The following USP39 variants were observed in gnomAD, a reference collection of about 807,000 sequenced individuals.
The protein encoded by USP39 is ubiquitin specific peptidase 39, also known as ubiquitin carboxyl-terminal hydrolase 39.
Under a neutral mutation model 66.4 loss-of-function variants are expected in USP39, and 38 were observed. That is an observed-to-expected ratio of 0.57 (90% CI 0.44 to 0.75). USP39 has a LOEUF of 0.75. Ranked by LOEUF, USP39 falls within the 30% of genes least tolerant of loss-of-function variation. USP39 has a pLI of 0.00. For missense variants in USP39, 608 were observed against 714.4 expected (o/e 0.85, Z 1.70); for synonymous variants, 303 against 274.6 (o/e 1.10, Z -1.02).
upstream of USP39, chr2:85,611,226 A>T (rs927520451): frequency 2.6e-4 from 328 of 1,281,304 alleles, 3 homozygotes; most frequent in South Asian, 1.5e-3. Flanking sequence ...AAAACATTTT[A>T]AAAAAAGTAA....
chr2:85,629,959 C>T (rs1675197723), intron 5 of USP39, among the ~76,000 whole-genome samples: 1 of 151,908 alleles, frequency 6.6e-6, no homozygotes. Context: ...AAGACTCGGT[C>T]TCCAAAAATA....
upstream of USP39, chr2:85,611,823 C>A: frequency 1.2e-6 from 2 of 1,606,746 alleles, no homozygotes; most frequent in Non-Finnish European, 1.7e-6. Context: ...GACTGTCGGG[C>A]CGGGCCAGGC....
At chr2:85,633,080 A>T (rs1675487665) in intron 6 of USP39, among the ~76,000 whole-genome samples, 1 of 152,126 alleles carries the variant, frequency 6.6e-6, no homozygotes, top group African/African-American at 2.4e-5. Context: ...AGCTACCATA[A>T]GGAGCTTGGA....
At chr2:85,639,159 C>T (rs773957969) in intron 8 of USP39, 44 bp from the exon 9 acceptor site, 31 of 1,568,050 alleles carry the variant, frequency 2.0e-5, no homozygotes, top group Non-Finnish European at 2.6e-5. Context: ...GGTTCCTATA[C>T]CCGTCACACT....
chr2:85,612,021 G>A (rs537111251), upstream of USP39: 4 of 1,418,764 alleles, frequency 2.8e-6, no homozygotes, highest in South Asian at 2.7e-5. Context: ...CCGCCTCGAC[G>A]GCCCCAACAA....
chr2:85,648,576 T>C (rs984986021), intron 12 of USP39, among the ~76,000 whole-genome samples, 185 bp from the exon 13 acceptor site: 2 of 152,190 alleles, frequency 1.3e-5, no homozygotes. Context: ...GTGATACCTC[T>C]CCTTCTAGAG....
At chr2:85,643,002 C>T (rs1043143864) in intron 10 of USP39, among the ~76,000 whole-genome samples, 4 of 150,516 alleles carry the variant, frequency 2.7e-5, no homozygotes, top group East Asian at 3.9e-4. Context: ...TTTGGGAGGC[C>T]GAGGTGGGAG....
intron 8 of USP39, among the ~76,000 whole-genome samples, chr2:85,638,797 A>G (rs1435003191): frequency 6.7e-6 from 1 of 150,118 alleles, no homozygotes; most frequent in Non-Finnish European, 1.5e-5. Flanking sequence ...TCGGCCTCCC[A>G]AAGTGCTGGG....
At chr2:85,611,449 C>T (rs747237433), upstream of USP39, 12 of 1,539,664 alleles carry the variant, frequency 7.8e-6, 1 homozygote, top group African/African-American at 1.4e-5. Context: ...GCTGGCTCCC[C>T]GATACTCTGA....
upstream of USP39, chr2:85,611,977 G>A (rs758672486): frequency 1.2e-5 from 19 of 1,539,322 alleles, no homozygotes; most frequent in South Asian, 2.1e-4. Context: ...ATGCGGCCCC[G>A]CCTCCATCAG....
intron 1 of USP39, among the ~76,000 whole-genome samples, chr2:85,618,517 G>A (rs1486711920): frequency 6.7e-6 from 1 of 148,992 alleles, no homozygotes; most frequent in Non-Finnish European, 1.5e-5. Flanking sequence ...AGCTGAGATC[G>A]CGCCATTGCA....
upstream of USP39, among the ~76,000 whole-genome samples, chr2:85,613,226 G>A (rs529017926): frequency 4.7e-4 from 71 of 152,084 alleles, no homozygotes; most frequent in African/African-American, 1.7e-3. Context: ...AAGAAAGAAA[G>A]AGCCGGGCGT....
chr2:85,609,359 ACAGGGCT>A, upstream of USP39: 5 of 1,552,820 alleles, frequency 3.2e-6, no homozygotes, highest in Non-Finnish European at 2.6e-6. Context: ...CCTGAGGAAA[ACAGGGCT>A]CAGGGTCTGA....
intron 6 of USP39, among the ~76,000 whole-genome samples, chr2:85,634,321 C>G (rs1014493131): frequency 6.6e-6 from 1 of 151,942 alleles, no homozygotes; most frequent in African/African-American, 2.4e-5. Context: ...TGCCTGTAAT[C>G]CCAGCACTTT....
chr2:85,610,825 C>A, upstream of USP39: 1 of 149,304 alleles, frequency 6.7e-6, no homozygotes. Context: ...GTGGCGCGAT[C>A]TCGGCTCACT....
At chr2:85,633,831 C>G in intron 6 of USP39, among the ~76,000 whole-genome samples, 1 of 78,996 alleles carries the variant, frequency 1.3e-5, no homozygotes, top group East Asian at 3.8e-4. Context: ...CGAGTAGTGG[C>G]TTTTTTTTTT....
chr2:85,627,037 G>A (rs1374945007), intron 5 of USP39, among the ~76,000 whole-genome samples: 3 of 149,792 alleles, frequency 2.0e-5, no homozygotes, highest in African/African-American at 4.9e-5. Context: ...ATGAGCCACC[G>A]TGCCCATCCC....
chr2:85,638,088 C>T (rs1009263495), intron 8 of USP39, among the ~76,000 whole-genome samples: 5 of 152,050 alleles, frequency 3.3e-5, no homozygotes, highest in Admixed American at 6.6e-5. Flanking sequence ...ATGGCATGAT[C>T]TCAGCTCACT....
rs1170948224 is a variant in USP39, at chr2:85,625,531, C to G, written c.571-8C>G. On this transcript the variant is annotated splice_region_variant and splice_polypyrimidine_tract_variant and intron_variant, in intron 4 of 12. Coordinates refer to ENST00000323701, the MANE Select transcript of USP39 (RefSeq NM_006590.4). The stretch of plus-strand genomic sequence containing the variant: ...TTAAACAACTTAGCATTTTCTTTTG[C>G]TTTGCAGTATGTGTTGAAGCCCACT... 3.7e-6 allele frequency: 6 copies of G among 1,613,378 alleles called. No individual in the cohort carries two copies. In the South Asian group the frequency reaches 6.6e-5, roughly 18 times the overall value.
Sources: allele counts gnomAD v4.1 joint callset (sites outside exome capture counted in the v4.1 genomes callset), GRCh38; gene constraint gnomAD v4.1.1; transcripts MANE v1.5; gene names NCBI Gene and HGNC (gene_info 2026-07-23, HGNC 2026-07-21).